The following STIM2 variants were observed in gnomAD, a reference collection of about 807,000 sequenced individuals.
STIM2 encodes the protein stromal interaction molecule 2.
Under a neutral mutation model 85.8 loss-of-function variants are expected in STIM2, and 31 were observed. The observed-to-expected ratio is 0.36, with a 90% CI of 0.27 to 0.49. The LOEUF (loss-of-function observed/expected upper bound fraction) is 0.49, where lower values mean the gene tolerates loss of function less well. STIM2 is among the 20% of genes least tolerant of loss of function. The pLI is 0.98. For missense variants in STIM2, 841 were observed against 927.6 expected, an observed-to-expected ratio of 0.91 and a Z score of 1.21; for synonymous variants, 356 against 331.1, an observed-to-expected ratio of 1.08 and a Z score of -0.82.
intron 3 of STIM2, among the ~76,000 whole-genome samples, chr4:26,985,120 T>C (rs917191213): frequency 1.3e-5 from 2 of 152,176 alleles, no homozygotes; most frequent in Admixed American, 1.3e-4. Flanking sequence ...CATAAACCTG[T>C]CTTGACTGTG....
chr4:26,975,706 G>A (rs892126984), intron 3 of STIM2, among the ~76,000 whole-genome samples: 2 of 152,210 alleles, frequency 1.3e-5, no homozygotes, highest in African/African-American at 2.4e-5. Flanking sequence ...GCTACACAGG[G>A]ATCAGGGACC....
At chr4:26,994,089 A>G (rs1727864674) in intron 3 of STIM2, among the ~76,000 whole-genome samples, 1 of 152,032 alleles carries the variant, frequency 6.6e-6, no homozygotes, top group South Asian at 2.1e-4. Context: ...GGTTGATGTC[A>G]TTTAGTCTAA....
In STIM2 at chr4:26,860,871, G is replaced by A; in HGVS notation, c.-348G>A. ...AGCGGATCCCGGTCTCGCCGCAGCA[G>A]CAGCGCGGGTGTCGTGCACCGCCTG... is the stretch of plus-strand genomic sequence containing the variant. On this transcript the variant is annotated 5_prime_UTR_variant, in exon 1 of 12. Transcript: ENST00000467087. 1 of 891,074 alleles carries A rather than the reference G, an allele frequency of 1.1e-6. No homozygotes were observed. Among genetic ancestry groups the A allele is most frequent in the Non-Finnish European group, 1.4e-6 (1 of 728,886 alleles). The allele number at this position is 891,074 out of a possible 1,614,324, so 55.2% of individuals were successfully genotyped here. A position where few individuals can be genotyped will look rare whatever the true frequency, so the allele number is the denominator to read the frequency against.
intron 3 of STIM2, among the ~76,000 whole-genome samples, chr4:26,962,078 T>C (rs1323792542): frequency 6.6e-6 from 1 of 152,150 alleles, no homozygotes; most frequent in Non-Finnish European, 1.5e-5. Flanking sequence ...GAAAATTTGC[T>C]AGAAGTGAAA....
At chr4:27,003,315 C>T (rs12506254) in intron 7 of STIM2, among the ~76,000 whole-genome samples, 11,161 of 152,192 alleles carry the variant, frequency 0.073, 553 homozygotes, top group Non-Finnish European at 0.11. Context: ...ATCATGTTCA[C>T]TCATTCATGA....
chr4:27,015,633 G>A (rs1411704472), intron 10 of STIM2, among the ~76,000 whole-genome samples: 1 of 151,796 alleles, frequency 6.6e-6, no homozygotes, highest in Non-Finnish European at 1.5e-5. Context: ...GTTATTTTGA[G>A]GTTGTCATTG....
chr4:27,003,794 G>A (rs1285903265), intron 7 of STIM2, among the ~76,000 whole-genome samples: 1 of 152,114 alleles, frequency 6.6e-6, no homozygotes, highest in East Asian at 1.9e-4. Flanking sequence ...CCCTCTGCAG[G>A]CTGTAGGGGA....
At chr4:27,021,922 A>G (rs16878702) in intron 11 of STIM2, among the ~76,000 whole-genome samples, 2,966 of 152,278 alleles carry the variant, frequency 0.019, 106 homozygotes, top group African/African-American at 0.068. Flanking sequence ...GAATGCTGTG[A>G]GAATTTACTG....
chr4:26,979,371 A>G (rs536835497), intron 3 of STIM2, among the ~76,000 whole-genome samples: 2 of 152,352 alleles, frequency 1.3e-5, no homozygotes, highest in African/African-American at 4.8e-5. Context: ...ATTTGAGTAG[A>G]TGGTTCTTCA....
Position 26,868,330 on chromosome 4 carries a change from CTG to C in STIM2, c.151+6965_151+6966del, listed in dbSNP as rs1722480484. On this transcript the variant is annotated intron_variant, in intron 1 of 11. Transcript: ENST00000467087. Reference sequence around the variant, plus strand: ...TTTGTGTGCTTATGGATCTTGACCTCTGTGTAACTTTTTTCTCTAGTCATTTT... The same window carrying C: ...TTTGTGTGCTTATGGATCTTGACCTCTGTAACTTTTTTCTCTAGTCATTTT... Among the ~76,000 whole-genome samples the C allele has an allele frequency of 3.3e-5, 5 of 152,184 alleles. No individual in the cohort carries two copies. In the South Asian group the frequency reaches 1.0e-3, roughly 32 times the overall value.
At chr4:26,864,235 G>A (rs1722314855) in intron 1 of STIM2, among the ~76,000 whole-genome samples, 1 of 152,034 alleles carries the variant, frequency 6.6e-6, no homozygotes, top group Non-Finnish European at 1.5e-5. Context: ...TATAGTAAGG[G>A]TTTTAAATTA....
intron 1 of STIM2, among the ~76,000 whole-genome samples, chr4:26,871,733 G>T (rs1722624084): frequency 7.4e-6 from 1 of 134,468 alleles, no homozygotes; most frequent in African/African-American, 2.8e-5. Context: ...GGTAGAGACA[G>T]AGTCTGAGTA....
chr4:26,999,178 A>G, intron 4 of STIM2, 54 bp from the exon 5 acceptor site: 1 of 753,756 alleles, frequency 1.3e-6, no homozygotes, highest in South Asian at 4.3e-5. Flanking sequence ...TGTATACTAG[A>G]AATATTTTCA....
chr4:26,967,301 A>G lies in STIM2; in HGVS notation c.397+9575A>G, dbSNP rs573145957. Among the ~76,000 whole-genome samples, 8 of 152,338 alleles carry G rather than the reference A, an allele frequency of 5.3e-5. No individual in the cohort carries two copies. In the South Asian group the frequency reaches 1.7e-3, roughly 32 times the overall value. ...CACTCATGTAAAGGTATAATAATTG[A>G]AGTCATATAAATTCAGAGTTCACTA... On this transcript the variant is annotated intron_variant, in intron 3 of 11. Coordinates refer to ENST00000467087, the MANE Select transcript of STIM2 (RefSeq NM_020860.4).
intron 2 of STIM2, among the ~76,000 whole-genome samples, chr4:26,938,073 A>G (rs1725460464): frequency 6.6e-6 from 1 of 151,970 alleles, no homozygotes; most frequent in African/African-American, 2.4e-5. Context: ...TTTTAAATAA[A>G]TTTTAAAAGA....
chr4:27,022,039 TAC>T (rs1728932984), intron 11 of STIM2, among the ~76,000 whole-genome samples: 1 of 152,322 alleles, frequency 6.6e-6, no homozygotes, highest in South Asian at 2.1e-4. Flanking sequence ...TGGTAGAACT[TAC>T]ATTTTAGTGT....
At chr4:26,927,875 T>G (rs1294391278) in intron 2 of STIM2, among the ~76,000 whole-genome samples, 1 of 146,342 alleles carries the variant, frequency 6.8e-6, no homozygotes, top group East Asian at 2.0e-4. Flanking sequence ...ATAAATTATA[T>G]ATTAATATAT....
At chr4:26,988,065 A>G (rs753085318) in intron 3 of STIM2, among the ~76,000 whole-genome samples, 3 of 152,188 alleles carry the variant, frequency 2.0e-5, no homozygotes, top group Non-Finnish European at 4.4e-5. Flanking sequence ...TTTCAAAGAT[A>G]GTTGTTGGGG....
At chr4:26,868,770 C>T (rs942588386) in intron 1 of STIM2, among the ~76,000 whole-genome samples, 3 of 152,034 alleles carry the variant, frequency 2.0e-5, no homozygotes, top group East Asian at 1.9e-4. Flanking sequence ...ACATCTCTAA[C>T]GTTTTCATTA....
Sources: gnomAD v4.1 joint callset for allele counts (sites outside exome capture counted in the v4.1 genomes callset) on GRCh38, gnomAD v4.1.1 for gene constraint, MANE v1.5 for transcripts, NCBI Gene and HGNC (gene_info 2026-07-23, HGNC 2026-07-21) for gene names.